Variants in MYCBP2 observed in about 807,000 individuals in gnomAD.
MYCBP2 encodes the protein MYC binding protein 2.
Under a neutral mutation model 525.3 loss-of-function variants are expected in MYCBP2, and 120 were observed. That is an observed-to-expected ratio of 0.23 (90% CI 0.20 to 0.27). MYCBP2 has a LOEUF of 0.27. Among genes scored for constraint, MYCBP2 ranks in the 10% least tolerant of loss-of-function variants. The pLI, the probability that MYCBP2 is intolerant of heterozygous loss-of-function variation, is 1.00. For missense variants in MYCBP2, 4,149 were observed against 5,657.1 expected, an observed-to-expected ratio of 0.73 and a Z score of 8.55; for synonymous variants, 1,894 against 1,955.8, an observed-to-expected ratio of 0.97 and a Z score of 0.83.
intron 44 of MYCBP2, among the ~76,000 whole-genome samples, chr13:77,159,574 G>T (rs1475342347): frequency 6.6e-6 from 1 of 152,188 alleles, no homozygotes; most frequent in Non-Finnish European, 1.5e-5. Flanking sequence ...CCTGGCGGGA[G>T]GTGACTGAAT....
intron 27 of MYCBP2, among the ~76,000 whole-genome samples, chr13:77,192,409 A>G (rs2061372453): frequency 6.6e-6 from 1 of 152,234 alleles, no homozygotes; most frequent in Non-Finnish European, 1.5e-5. Context: ...ATCTATACAA[A>G]CATTATTAAT....
intron 1 of MYCBP2, among the ~76,000 whole-genome samples, chr13:77,324,956 C>A (rs2082113740): frequency 6.6e-6 from 1 of 152,228 alleles, no homozygotes; most frequent in South Asian, 2.1e-4. Context: ...CAAACTGTCT[C>A]ACGTAGTTTT....
chr13:77,247,938 A>G (rs894043178), intron 15 of MYCBP2, among the ~76,000 whole-genome samples: 2 of 152,094 alleles, frequency 1.3e-5, no homozygotes, highest in African/African-American at 4.8e-5. Flanking sequence ...CTATTACAAA[A>G]AAAAACAAAA....
chr13:77,309,587 T>C (rs1316708905), intron 1 of MYCBP2, among the ~76,000 whole-genome samples: 4 of 152,324 alleles, frequency 2.6e-5, no homozygotes, highest in African/African-American at 9.6e-5. Flanking sequence ...ATGAAAATCA[T>C]TATTATATTT....
At chr13:77,046,882 A>G (rs445080) in intron 82 of MYCBP2, among the ~76,000 whole-genome samples, 8,965 of 152,218 alleles carry the variant, frequency 0.059, 317 homozygotes, top group East Asian at 0.11. Context: ...TCCAAATCAC[A>G]CTGCAGATTG....
chr13:77,179,867 C>A (rs2060051959), intron 34 of MYCBP2, among the ~76,000 whole-genome samples: 1 of 152,022 alleles, frequency 6.6e-6, no homozygotes, highest in African/African-American at 2.4e-5. Context: ...TGGGCTTGTG[C>A]AATGGGGCAG....
At chr13:77,092,080 T>TG (rs1555326015) in intron 59 of MYCBP2, among the ~76,000 whole-genome samples, 9 of 24,828 alleles carry the variant, frequency 3.6e-4, no homozygotes, top group Admixed American at 3.2e-3. Flanking sequence ...GTATTTTTAA[T>TG]GAAAAAAAAA....
At chr13:77,275,191 T>G (rs2075385549) in intron 4 of MYCBP2, among the ~76,000 whole-genome samples, 1 of 152,192 alleles carries the variant, frequency 6.6e-6, no homozygotes, top group African/African-American at 2.4e-5. Context: ...GTCAATAGTT[T>G]AAACAAATAA....
intron 23 of MYCBP2, among the ~76,000 whole-genome samples, chr13:77,209,392 T>C (rs943826334): frequency 6.6e-6 from 1 of 152,262 alleles, no homozygotes; most frequent in African/African-American, 2.4e-5. Context: ...GTTTTGCTAA[T>C]GCAAATTTAC....
chr13:77,282,833 T>C (rs1288924298), intron 3 of MYCBP2, among the ~76,000 whole-genome samples: 2 of 152,190 alleles, frequency 1.3e-5, no homozygotes, highest in Admixed American at 6.5e-5. Context: ...CCTTTAAGAA[T>C]ATCTTTAGAT....
Position 77,186,051 on chromosome 13 carries a change from A to G in MYCBP2, c.4264T>C (p.Ser1422Pro), listed in dbSNP as rs747195842. Residue 1422 changes from serine to proline, a missense_variant, in exon 31 of 83, where the codon TCA becomes CCA. Around this residue, in one of 21 missense-constraint regions of MYCBP2, gnomAD observed 292 missense variants for 330.5 expected, o/e 0.88. Transcript: ENST00000544440. ...ARTVSVECFE[S>P]LLSILHWSWT... is the part of the protein sequence containing the mutation. ...CTCCAGTGAAGAATACTCAACAATG[A>G]CTCAAAACATTCCTAATCCAGAATA... 4 of 1,581,990 alleles carry G rather than the reference A, an allele frequency of 2.5e-6. No individual in the cohort carries two copies. The highest frequency in any genetic ancestry group is 3.4e-6 in the Non-Finnish European group (4 of 1,167,266).
At chr13:77,293,768 C>T (rs1335175782) in intron 2 of MYCBP2, among the ~76,000 whole-genome samples, 1 of 151,964 alleles carries the variant, frequency 6.6e-6, no homozygotes, top group Non-Finnish European at 1.5e-5. Context: ...TGGAAGGGGG[C>T]CACAACCCAA....
intron 27 of MYCBP2, among the ~76,000 whole-genome samples, chr13:77,192,794 GAA>G (rs1457881877): frequency 1.3e-5 from 2 of 152,138 alleles, no homozygotes; most frequent in African/African-American, 4.8e-5. Flanking sequence ...CTCTATAAAT[GAA>G]ACTGTGCTTT....
chr13:77,198,519 C>A (rs951168891), intron 26 of MYCBP2, among the ~76,000 whole-genome samples: 1 of 152,284 alleles, frequency 6.6e-6, no homozygotes, highest in Admixed American at 6.5e-5. Flanking sequence ...GTGAAGCCTG[C>A]TATTGAAATT....
chr13:77,234,900 T>C (rs1011403610), intron 17 of MYCBP2, among the ~76,000 whole-genome samples: 1 of 152,060 alleles, frequency 6.6e-6, no homozygotes, highest in Non-Finnish European at 1.5e-5. Context: ...TTTCTCCTCA[T>C]GAAAATACAT....
At chr13:77,321,494 C>T (rs1164143860) in intron 1 of MYCBP2, among the ~76,000 whole-genome samples, 1 of 152,228 alleles carries the variant, frequency 6.6e-6, no homozygotes, top group Non-Finnish European at 1.5e-5. Context: ...AGCTTAAAAC[C>T]ATCAAGGGTG....
chr13:77,098,632 C>T lies in MYCBP2; in HGVS notation c.8522G>A (p.Arg2841His), dbSNP rs142807127. The T allele has an allele frequency of 1.2e-3, 1,953 of 1,613,496 alleles. 6 individuals are homozygous for T. Among genetic ancestry groups the T allele is most frequent in the South Asian group, 1.9e-3 (171 of 91,046 alleles). ...RSSPSGASSP[R>H]SSSPHDKNLP... The stretch of plus-strand genomic sequence containing the variant: ...ATTTTTATCATGTGGTGAGGAGGAG[C>T]GTGGAGAACTAGCACCCGATGGGCT... Residue 2841 changes from arginine to histidine, a missense_variant, in exon 56 of 83, where the codon CGC becomes CAC. This residue lies in a region of MYCBP2 where 653 missense variants were observed against 744.7 expected (regional missense o/e 0.88). Transcript: ENST00000544440.
At chr13:77,182,136 G>A (rs1313921246) in intron 32 of MYCBP2, among the ~76,000 whole-genome samples, 3 of 151,986 alleles carry the variant, frequency 2.0e-5, no homozygotes, top group African/African-American at 7.3e-5. Context: ...AATTAAGTCT[G>A]GTCAAGAAAA....
chr13:77,070,503 GC>G lies in MYCBP2; in HGVS notation c.11904+127del, dbSNP rs1209798358. On this transcript the variant is annotated intron_variant, in intron 69 of 82. Coordinates refer to ENST00000544440, the MANE Select transcript of MYCBP2 (RefSeq NM_015057.5). ...AGACAATTCTTTTTCTTCAAATATG[GC>G]CCAGGGAAGCCAAAAGATTGGACAT... The G allele has an allele frequency of 1.1e-5, 6 of 554,452 alleles. No homozygotes were observed. The East Asian group carries it at 1.8e-4, about 16-fold the overall frequency. 34.3% of individuals were successfully genotyped at this position (554,452 alleles called of 1,614,324 possible).
Sources: allele counts gnomAD v4.1 joint callset (sites outside exome capture counted in the v4.1 genomes callset), GRCh38; gene constraint gnomAD v4.1.1; regional missense constraint gnomAD v4.1.1; transcripts MANE v1.5; gene names NCBI Gene and HGNC (gene_info 2026-07-23, HGNC 2026-07-21).